Variants in SLC44A1 observed in about 807,000 individuals in gnomAD.
The protein encoded by SLC44A1 is choline transporter-like protein 1.
SLC44A1 carries 26 observed loss-of-function variants against 79.3 expected under a neutral mutation model. The observed-to-expected ratio is 0.33, with a 90% CI of 0.24 to 0.46. The LOEUF (loss-of-function observed/expected upper bound fraction) is 0.46. Ranked by LOEUF, SLC44A1 falls within the 20% of genes least tolerant of loss-of-function variation. The pLI is 1.00. For missense variants in SLC44A1, 688 were observed against 798.1 expected, an observed-to-expected ratio of 0.86 and a Z score of 1.66; for synonymous variants, 263 against 286.2, an observed-to-expected ratio of 0.92 and a Z score of 0.82.
In SLC44A1 at chr9:105,397,156, C is replaced by G. The variant is rs1450947457; in HGVS notation, c.*8100C>G. The G allele has an allele frequency of 3.0e-6, 3 of 985,374 alleles. No individual in the cohort carries two copies. The highest frequency in any genetic ancestry group is 3.6e-6 in the Non-Finnish European group (3 of 829,886). 61.0% of individuals were successfully genotyped at this position (985,374 alleles called of 1,614,324 possible). A position where few individuals can be genotyped will look rare whatever the true frequency, so the allele number is the denominator to read the frequency against. ...ATTCCATCTGGCTTCAGAGAACAAT[C>G]AGCCTATATGAAACGGAGCTTTGAA... is the stretch of plus-strand genomic sequence containing the variant. On this transcript the variant is annotated 3_prime_UTR_variant, in exon 16 of 16. Transcript: ENST00000374720.
At chr9:105,328,040 T>C (rs1032469066) in intron 3 of SLC44A1, among the ~76,000 whole-genome samples, 2 of 152,234 alleles carry the variant, frequency 1.3e-5, no homozygotes, top group African/African-American at 2.4e-5. Context: ...TCCTGAAATA[T>C]CTTCTTCCTT....
chr9:105,302,534 A>G (rs913966355), intron 2 of SLC44A1, among the ~76,000 whole-genome samples: 10 of 151,726 alleles, frequency 6.6e-5, no homozygotes, highest in African/African-American at 1.9e-4. Context: ...TGCATTTTCA[A>G]TAGAGATGGA....
At position 105,395,093 on chromosome 9, in the gene SLC44A1, C is replaced by T. The variant is rs927565654; in HGVS notation, c.*6037C>T. On this transcript the variant is annotated 3_prime_UTR_variant, in exon 16 of 16. Transcript: ENST00000374720. Reference sequence around the variant, plus strand: ...CAGTGGCTCATGACTTATAGTCAGGCATCAAACCATTTCCTACTTTTTCAG... The same window carrying T: ...CAGTGGCTCATGACTTATAGTCAGGTATCAAACCATTTCCTACTTTTTCAG... 20 of 985,294 alleles carry T rather than the reference C, an allele frequency of 2.0e-5. No homozygotes were observed. Among genetic ancestry groups the T allele is most frequent in the Admixed American group, 6.1e-5 (1 of 16,268 alleles). 61.0% of individuals were successfully genotyped at this position (985,294 alleles called of 1,614,324 possible). A position where few individuals can be genotyped will look rare whatever the true frequency, so the allele number is the denominator to read the frequency against.
At chr9:105,348,286 C>A in intron 4 of SLC44A1, 72 bp from the exon 5 acceptor site, 2 of 798,716 alleles carry the variant, frequency 2.5e-6, no homozygotes, top group South Asian at 1.6e-5. Flanking sequence ...TTGAATAATA[C>A]AAAATTAAAA....
intron 15 of SLC44A1, among the ~76,000 whole-genome samples, chr9:105,424,226 C>A (rs1163301624): frequency 2.6e-5 from 4 of 152,132 alleles, no homozygotes; most frequent in Non-Finnish European, 5.9e-5. Context: ...AGGGGACAGG[C>A]CCACCCTAAG....
At chr9:105,357,621 AT>A (rs1358953518) in intron 6 of SLC44A1, among the ~76,000 whole-genome samples, 1 of 152,228 alleles carries the variant, frequency 6.6e-6, no homozygotes, top group African/African-American at 2.4e-5. Flanking sequence ...CTTCTTTAAG[AT>A]TTTTACTCAG....
At chr9:105,280,863 C>T (rs1372285629) in intron 1 of SLC44A1, among the ~76,000 whole-genome samples, 1 of 152,188 alleles carries the variant, frequency 6.6e-6, no homozygotes, top group African/African-American at 2.4e-5. Context: ...ATGTAAAGTC[C>T]ATGAGCAGAA....
chr9:105,280,483 A>G (rs1830323755), intron 1 of SLC44A1, among the ~76,000 whole-genome samples: 1 of 152,258 alleles, frequency 6.6e-6, no homozygotes, highest in Non-Finnish European at 1.5e-5. Context: ...AATAGTCTAC[A>G]CATAGACCAT....
intron 12 of SLC44A1, among the ~76,000 whole-genome samples, chr9:105,367,324 C>A (rs1718249921): frequency 6.6e-6 from 1 of 152,146 alleles, no homozygotes; most frequent in South Asian, 2.1e-4. Flanking sequence ...TGGTATTGAG[C>A]ATGCCTGGAC....
intron 14 of SLC44A1, among the ~76,000 whole-genome samples, chr9:105,383,933 C>A (rs572873130): frequency 1.3e-5 from 2 of 152,202 alleles, no homozygotes; most frequent in South Asian, 4.2e-4. Flanking sequence ...ATATTAGAAC[C>A]TCAATTAAAT....
chr9:105,276,660 C>T (rs1471493326), intron 1 of SLC44A1, among the ~76,000 whole-genome samples: 1 of 149,486 alleles, frequency 6.7e-6, no homozygotes, highest in African/African-American at 2.5e-5. Flanking sequence ...CGAAAAGCCT[C>T]ACTGGGATGA....
intron 5 of SLC44A1, 61 bp downstream of exon 5, chr9:105,348,512 AAT>A (rs1198497924): frequency 4.0e-6 from 4 of 1,004,582 alleles, no homozygotes; most frequent in African/African-American, 1.6e-5. Context: ...AATTTTAAAC[AAT>A]ATATGTTATT....
chr9:105,416,224 T>A (rs1829168860), intron 15 of SLC44A1, among the ~76,000 whole-genome samples: 2 of 152,020 alleles, frequency 1.3e-5, no homozygotes, highest in Admixed American at 1.3e-4. Context: ...AGGGAATTTG[T>A]TCTCTGTTAT....
intron 14 of SLC44A1, among the ~76,000 whole-genome samples, chr9:105,384,328 G>A (rs1828565901): frequency 6.6e-6 from 1 of 151,952 alleles, no homozygotes; most frequent in Non-Finnish European, 1.5e-5. Context: ...TTACATGCAT[G>A]TGCCACCACT....
intron 15 of SLC44A1, among the ~76,000 whole-genome samples, chr9:105,403,879 C>G (rs117827556): frequency 2.0e-5 from 3 of 151,038 alleles, no homozygotes; most frequent in Admixed American, 6.6e-5. Context: ...GATCAGATCT[C>G]GAGGGTCTTG....
chr9:105,403,351 T>C (rs1304221605), intron 15 of SLC44A1, among the ~76,000 whole-genome samples: 1 of 152,036 alleles, frequency 6.6e-6, no homozygotes, highest in Non-Finnish European at 1.5e-5. Flanking sequence ...AACCCACATA[T>C]GGCTCTTAAA....
intron 1 of SLC44A1, among the ~76,000 whole-genome samples, chr9:105,255,977 T>A (rs73510218): frequency 0.041 from 6,304 of 152,262 alleles, 441 homozygotes; most frequent in African/African-American, 0.14. Flanking sequence ...AAAATGTTTT[T>A]GTGTTTGAGT....
intron 1 of SLC44A1, among the ~76,000 whole-genome samples, chr9:105,294,476 C>T (rs1389745430): frequency 1.3e-5 from 2 of 151,584 alleles, no homozygotes; most frequent in African/African-American, 2.4e-5. Context: ...TTCCTTTCAG[C>T]GATTTAAAGA....
rs1828852360 is a variant in SLC44A1, at chr9:105,395,234, T to A, written c.*6178T>A. 1.4e-5 allele frequency: 14 copies of A among 969,608 alleles called. No homozygotes were observed. The highest frequency in any genetic ancestry group is 1.7e-5 in the Non-Finnish European group (14 of 815,580). 60.1% of individuals were successfully genotyped at this position (969,608 alleles called of 1,614,324 possible). On this transcript the variant is annotated 3_prime_UTR_variant, in exon 16 of 16. Transcript: ENST00000374720. Reference sequence around the variant, plus strand: ...TTTTTTTTGTTTGTTTTTGGTGTTTTTTTGAGACGGAGTCTCGCTCTATCG... The same window carrying A: ...TTTTTTTTGTTTGTTTTTGGTGTTTATTTGAGACGGAGTCTCGCTCTATCG...
Sources: gnomAD v4.1 joint callset for allele counts (sites outside exome capture counted in the v4.1 genomes callset) on GRCh38, gnomAD v4.1.1 for gene constraint, MANE v1.5 for transcripts, NCBI Gene and HGNC (gene_info 2026-07-23, HGNC 2026-07-21) for gene names.